The following XYLT1 variants were observed in gnomAD, a reference collection of about 807,000 sequenced individuals.
The protein encoded by XYLT1 is xylosyltransferase 1.
Under a neutral mutation model 91.3 loss-of-function variants are expected in XYLT1, and 36 were observed. The ratio of observed to expected loss-of-function variants is 0.39; its 90% CI spans 0.30 to 0.52. XYLT1 has a LOEUF of 0.52. Ranked by LOEUF, XYLT1 falls within the 20% of genes least tolerant of loss-of-function variation. The pLI is 0.68. For missense variants in XYLT1, 1,242 were observed against 1,284.5 expected (o/e 0.97, Z 0.51); for synonymous variants, 588 against 532.0 (o/e 1.11, Z -1.45).
chr16:17,113,884 T>A (rs1966847101), intron 11 of XYLT1, among the ~76,000 whole-genome samples: 1 of 152,216 alleles, frequency 6.6e-6, no homozygotes, highest in African/African-American at 2.4e-5. Flanking sequence ...GAAGAACTCA[T>A]CCACCTGCCG....
At chr16:17,413,365 T>C (rs984831458) in intron 1 of XYLT1, among the ~76,000 whole-genome samples, 1 of 152,144 alleles carries the variant, frequency 6.6e-6, no homozygotes, top group African/African-American at 2.4e-5. Context: ...TTTTCATAGA[T>C]AATGCATTTG....
In XYLT1 at chr16:17,262,793, T is replaced by C. The variant is rs528279234; in HGVS notation, c.403-3295A>G. On this transcript the variant is annotated intron_variant, in intron 2 of 11. Transcript: ENST00000261381. Reference sequence around the variant, plus strand: ...TCTACCAACCCTCAGTGTGCAGAAATTGACCCCTGCTGCTTTGAGTCACTG... The same window carrying C: ...TCTACCAACCCTCAGTGTGCAGAAACTGACCCCTGCTGCTTTGAGTCACTG... Among the ~76,000 whole-genome samples, 9 of 152,246 alleles carry C rather than the reference T, an allele frequency of 5.9e-5. No individual in the cohort carries two copies. In the East Asian group the frequency reaches 1.5e-3, roughly 26 times the overall value.
At chr16:17,254,954 C>A (rs981715628) in intron 3 of XYLT1, among the ~76,000 whole-genome samples, 16 of 151,918 alleles carry the variant, frequency 1.1e-4, no homozygotes, top group Admixed American at 1.0e-3. Context: ...AGGGCCAAAT[C>A]CGGCCCATGG....
At chr16:17,436,310 G>A (rs550068543) in intron 1 of XYLT1, among the ~76,000 whole-genome samples, 3 of 152,338 alleles carry the variant, frequency 2.0e-5, no homozygotes, top group African/African-American at 4.8e-5. Flanking sequence ...AAGGCCCAGA[G>A]AGATGAAGTG....
chr16:17,194,449 C>G (rs12600072), intron 5 of XYLT1, among the ~76,000 whole-genome samples: 1 of 152,242 alleles, frequency 6.6e-6, no homozygotes, highest in African/African-American at 2.4e-5. Flanking sequence ...GGCCCCCAAC[C>G]TAGGCTGGCA....
intron 2 of XYLT1, among the ~76,000 whole-genome samples, chr16:17,327,361 CTTTT>C (rs138879762): frequency 1.9e-5 from 2 of 108,084 alleles, no homozygotes; most frequent in South Asian, 2.8e-4. Context: ...TTTCTTTTTT[CTTTT>C]TTTTTTTTTT....
intron 5 of XYLT1, among the ~76,000 whole-genome samples, chr16:17,187,889 G>C (rs1005546901): frequency 1.3e-5 from 2 of 152,010 alleles, no homozygotes; most frequent in Non-Finnish European, 2.9e-5. Flanking sequence ...CTGCGCCCCT[G>C]TTGGCTTATG....
intron 2 of XYLT1, among the ~76,000 whole-genome samples, chr16:17,306,716 T>C (rs2034476963): frequency 6.6e-6 from 1 of 152,180 alleles, no homozygotes; most frequent in Non-Finnish European, 1.5e-5. Context: ...AACTTTAAGG[T>C]ACCCCATTCA....
At chr16:17,215,409 C>T (rs950895739) in intron 3 of XYLT1, among the ~76,000 whole-genome samples, 1 of 152,108 alleles carries the variant, frequency 6.6e-6, no homozygotes, top group African/African-American at 2.4e-5. Context: ...GGGATTTTTG[C>T]TCTTAGAAGA....
Position 17,438,749 on chromosome 16 carries a change from G to T in XYLT1, c.363+31685C>A, listed in dbSNP as rs1173869619. Among the ~76,000 whole-genome samples the T allele has an allele frequency of 3.9e-5, 6 of 151,976 alleles. No homozygotes were observed. In the East Asian group the frequency reaches 5.8e-4, roughly 15 times the overall value. On this transcript the variant is annotated intron_variant, in intron 1 of 11. Transcript: ENST00000261381. ...TGGTGGCAGGAGAGAGAGAGTGAAG[G>T]GGGAGGTGCTACACACTTCGAAACC...
chr16:17,274,797 T>C (rs879904851), intron 2 of XYLT1, among the ~76,000 whole-genome samples: 1 of 152,136 alleles, frequency 6.6e-6, no homozygotes, highest in Non-Finnish European at 1.5e-5. Context: ...CCAACTCCTT[T>C]TATAATAACA....
chr16:17,407,898 A>G (rs1396395221), intron 1 of XYLT1, among the ~76,000 whole-genome samples: 1 of 152,126 alleles, frequency 6.6e-6, no homozygotes, highest in African/African-American at 2.4e-5. Flanking sequence ...CCCTCCTTCT[A>G]TTAGTTCTGC....
chr16:17,246,685 C>A lies in XYLT1; in HGVS notation c.913+12303G>T, dbSNP rs372449612. Among the ~76,000 whole-genome samples the A allele has an allele frequency of 6.6e-5, 10 of 152,312 alleles. No individual in the cohort carries two copies. In the East Asian group the frequency reaches 1.5e-3, roughly 23 times the overall value. Reference sequence around the variant, plus strand: ...TGAGATCACACATGCAAAGTGCTCGCCTCCACACCTGGCATTCAGGAAGTG... The same window carrying A: ...TGAGATCACACATGCAAAGTGCTCGACTCCACACCTGGCATTCAGGAAGTG... On this transcript the variant is annotated intron_variant, in intron 3 of 11. Coordinates refer to ENST00000261381, the MANE Select transcript of XYLT1 (RefSeq NM_022166.4).
intron 1 of XYLT1, among the ~76,000 whole-genome samples, chr16:17,369,917 C>A (rs557345843): frequency 7.2e-5 from 11 of 152,160 alleles, no homozygotes; most frequent in Non-Finnish European, 1.3e-4. Flanking sequence ...CAGAGTTGGC[C>A]CGAGGAGCCA....
At chr16:17,199,122 T>A (rs945961146) in intron 4 of XYLT1, among the ~76,000 whole-genome samples, 1 of 152,216 alleles carries the variant, frequency 6.6e-6, no homozygotes, top group Non-Finnish European at 1.5e-5. Context: ...TCTAAACCCA[T>A]GTATATTTCG....
intron 3 of XYLT1, among the ~76,000 whole-genome samples, chr16:17,214,976 C>T (rs2032828468): frequency 6.6e-6 from 1 of 152,144 alleles, no homozygotes; most frequent in African/African-American, 2.4e-5. Context: ...AGGACTGAAT[C>T]GTGTCCCCCG....
chr16:17,192,401 C>T (rs371218760), intron 5 of XYLT1, among the ~76,000 whole-genome samples: 7 of 152,252 alleles, frequency 4.6e-5, no homozygotes, highest in African/African-American at 1.7e-4. Context: ...CACACCCAGC[C>T]GAGGTCTCTT....
At chr16:17,134,355 A>T in intron 9 of XYLT1, 118 bp downstream of exon 9, 1 of 1,360,992 alleles carries the variant, frequency 7.3e-7, no homozygotes, top group South Asian at 1.4e-5. Flanking sequence ...GGAAGAGAGA[A>T]AGCATAGGGT....
intron 2 of XYLT1, among the ~76,000 whole-genome samples, chr16:17,355,893 C>T (rs1412820091): frequency 6.6e-6 from 1 of 151,718 alleles, no homozygotes; most frequent in Non-Finnish European, 1.5e-5. Flanking sequence ...TATTTTTTTT[C>T]AGTAGAGATG....
Sources: gnomAD v4.1 joint callset for allele counts (sites outside exome capture counted in the v4.1 genomes callset) on GRCh38, gnomAD v4.1.1 for gene constraint, MANE v1.5 for transcripts, NCBI Gene and HGNC (gene_info 2026-07-23, HGNC 2026-07-21) for gene names.